The following GPHN variants were observed in gnomAD, a reference collection of about 807,000 sequenced individuals.
GPHN encodes the protein gephyrin.
In GPHN, 17 loss-of-function variants were observed where a neutral mutation model predicts 95.5. The ratio of observed to expected loss-of-function variants is 0.18; its 90% confidence interval spans 0.12 to 0.27. GPHN has a LOEUF of 0.27. GPHN is among the 10% of genes least tolerant of loss of function. The pLI is 1.00. For missense variants in GPHN, 660 were observed against 978.1 expected, an observed-to-expected ratio of 0.67 and a Z score of 4.34; for synonymous variants, 320 against 322.5, an observed-to-expected ratio of 0.99 and a Z score of 0.08.
chr14:67,391,334 G>C, the GPHN span, among the ~76,000 whole-genome samples: 1 of 149,594 alleles, frequency 6.7e-6, no homozygotes, highest in Non-Finnish European at 1.5e-5. Flanking sequence ...GACCAGGAGG[G>C]CTAAGGTTAG....
At chr14:67,527,982 C>A in the GPHN span, among the ~76,000 whole-genome samples, 3 of 152,186 alleles carry the variant, frequency 2.0e-5, no homozygotes. Context: ...CCACCTACTC[C>A]TCCACGCTCT....
the GPHN span, among the ~76,000 whole-genome samples, chr14:67,390,348 G>GCCTACCTCAT: frequency 2.6e-5 from 4 of 152,126 alleles, no homozygotes; most frequent in Non-Finnish European, 4.4e-5. Flanking sequence ...GTCTCTGTCA[G>GCCTACCTCAT]CCTACCTCAT....
chr14:67,651,226 G>A, the GPHN span: 1 of 1,396,976 alleles, frequency 7.2e-7, no homozygotes, highest in Non-Finnish European at 9.6e-7. Context: ...TCACATTTAA[G>A]TGGTTTTTCA....
At chr14:67,105,207 T>C (rs1747031692) in intron 13 of GPHN, among the ~76,000 whole-genome samples, 1 of 152,138 alleles carries the variant, frequency 6.6e-6, no homozygotes, top group African/African-American at 2.4e-5. Context: ...AAATTCGATA[T>C]AATTTTAGTT....
At chr14:67,193,056 CTCTATA>C in the GPHN span, among the ~76,000 whole-genome samples, 1 of 143,268 alleles carries the variant, frequency 7.0e-6, no homozygotes, top group Non-Finnish European at 1.5e-5. Flanking sequence ...ATAGATATAT[CTCTATA>C]TCTATATATA....
At chr14:67,154,249 A>G (rs972521067) in intron 18 of GPHN, among the ~76,000 whole-genome samples, 3 of 152,148 alleles carry the variant, frequency 2.0e-5, no homozygotes, top group Non-Finnish European at 2.9e-5. Context: ...CACACTTCAC[A>G]TGCTTGAATC....
chr14:67,073,448 A>T (rs2076382961), intron 11 of GPHN, among the ~76,000 whole-genome samples: 1 of 152,146 alleles, frequency 6.6e-6, no homozygotes, highest in Non-Finnish European at 1.5e-5. Flanking sequence ...GACATTTTAG[A>T]TATTTTTAAA....
At chr14:67,238,037 A>G in the GPHN span, among the ~76,000 whole-genome samples, 1 of 152,172 alleles carries the variant, frequency 6.6e-6, no homozygotes, top group Non-Finnish European at 1.5e-5. Context: ...TAGATGAGAA[A>G]ATTTAGGTCC....
intron 12 of GPHN, among the ~76,000 whole-genome samples, chr14:67,093,351 A>G (rs1463248511): frequency 6.6e-6 from 1 of 152,140 alleles, no homozygotes; most frequent in Non-Finnish European, 1.5e-5. Flanking sequence ...CCAAAATTCA[A>G]TATAGACAAT....
chr14:67,692,777 T>C, the GPHN span: 10 of 863,202 alleles, frequency 1.2e-5, no homozygotes, highest in Non-Finnish European at 1.8e-5. Context: ...GGGTCCATTA[T>C]ATGTAGAGCA....
chr14:66,978,111 C>T (rs1043557342), intron 9 of GPHN, among the ~76,000 whole-genome samples: 11 of 152,292 alleles, frequency 7.2e-5, no homozygotes, highest in South Asian at 4.1e-4. Flanking sequence ...TTAAAAAATA[C>T]GTTAGTCCTA....
intron 2 of GPHN, among the ~76,000 whole-genome samples, chr14:66,746,885 A>G (rs984141346): frequency 1.3e-5 from 2 of 152,108 alleles, no homozygotes; most frequent in Non-Finnish European, 2.9e-5. Flanking sequence ...TGACTCCTGC[A>G]GTCTCTCATT....
chr14:67,685,056 G>A, the GPHN span: 1 of 1,613,638 alleles, frequency 6.2e-7, no homozygotes. Flanking sequence ...CTTCTGTTAA[G>A]GCACAGTGCA....
intron 2 of GPHN, among the ~76,000 whole-genome samples, chr14:66,773,608 T>G (rs968519401): frequency 3.9e-5 from 6 of 152,174 alleles, no homozygotes; most frequent in Non-Finnish European, 8.8e-5. Flanking sequence ...CATCTCGGCC[T>G]CCCAAAGTGC....
chr14:67,347,694 T>C, the GPHN span, among the ~76,000 whole-genome samples: 603 of 152,024 alleles, frequency 4.0e-3, 18 homozygotes, highest in East Asian at 0.059. Context: ...GACACGGGGT[T>C]TCTCCATGTT....
In GPHN at chr14:67,133,810, T is replaced by C. The variant is rs145075264; in HGVS notation, c.1749-9552T>C. On this transcript the variant is annotated intron_variant, in intron 17 of 22. Transcript: ENST00000478722. ...CTATTAAGTGCGTGGTTCTTTGACA[T>C]GTGATCAACTTAGAACTCTACAGAG... Among the ~76,000 whole-genome samples, 1,434 of 152,304 alleles carry C rather than the reference T, an allele frequency of 9.4e-3. 27 individuals carry two copies. The highest frequency in any genetic ancestry group is 0.034 in the African/African-American group (1,394 of 41,566).
At chr14:67,591,457 G>A in the GPHN span, among the ~76,000 whole-genome samples, 2 of 152,222 alleles carry the variant, frequency 1.3e-5, no homozygotes, top group African/African-American at 2.4e-5. Context: ...AAAGGTCAGT[G>A]AGGCAGGGTT....
chr14:66,783,970 T>C lies in GPHN; in HGVS notation c.201+7449T>C, dbSNP rs188917312. On this transcript the variant is annotated intron_variant, in intron 3 of 22. Coordinates refer to ENST00000478722, the MANE Select transcript of GPHN (RefSeq NM_020806.5). ...AAATACCAAATGTCCTAGGTGACAA[T>C]AAAAATATCAGTCATCATACCAAGA... Among the ~76,000 whole-genome samples, 664 of 152,058 alleles carry C rather than the reference T, an allele frequency of 4.4e-3. 2 individuals carry two copies. Among genetic ancestry groups the C allele is most frequent in the African/African-American group, 0.015 (628 of 41,458 alleles).
chr14:67,144,250 A>AAAAAT (rs1168342196), intron 18 of GPHN, among the ~76,000 whole-genome samples: 6 of 57,772 alleles, frequency 1.0e-4, no homozygotes, highest in Admixed American at 6.0e-4. Context: ...AAAAAAAAAA[A>AAAAAT]ATATATATAT....
Sources: allele counts gnomAD v4.1 joint callset (sites outside exome capture counted in the v4.1 genomes callset), GRCh38; gene constraint gnomAD v4.1.1; transcripts MANE v1.5; gene names NCBI Gene and HGNC (gene_info 2026-07-23, HGNC 2026-07-21).